Variants in PLCB4 observed in about 807,000 individuals in gnomAD.
PLCB4 encodes the protein 1-phosphatidylinositol 4,5-bisphosphate phosphodiesterase beta-4.
A neutral mutation model predicts 178.8 loss-of-function variants in PLCB4; 77 were observed. The ratio of observed to expected loss-of-function variants is 0.43; its 90% CI spans 0.36 to 0.52. PLCB4 has a LOEUF of 0.52. PLCB4 is among the 20% of genes least tolerant of loss of function. The probability of loss-of-function intolerance (pLI) is 0.00; values close to 1 mark genes in which losing one functional copy is unlikely to be tolerated. For missense variants in PLCB4, 1,024 were observed against 1,453.4 expected (o/e 0.70, Z 4.80); for synonymous variants, 496 against 490.8 (o/e 1.01, Z -0.14).
At chr20:9,248,261 A>T (rs1178636118) in intron 3 of PLCB4, among the ~76,000 whole-genome samples, 1 of 152,178 alleles carries the variant, frequency 6.6e-6, no homozygotes, top group Non-Finnish European at 1.5e-5. Flanking sequence ...ACTCATGTAC[A>T]ATGATGTTCA....
Position 9,177,622 on chromosome 20 carries a change from G to A in PLCB4, c.-78-39768G>A, listed in dbSNP as rs912762612. Among the ~76,000 whole-genome samples, 7 of 152,206 alleles carry A rather than the reference G, an allele frequency of 4.6e-5. No homozygotes were observed. In the South Asian group the frequency reaches 8.3e-4, roughly 18 times the overall value. On this transcript the variant is annotated intron_variant, in intron 2 of 39. Coordinates refer to ENST00000378473, the MANE Select transcript of PLCB4 (RefSeq NM_001377142.1). ...AAAAGGGGTGTAGATGGATAAGGGT[G>A]GGAAATGGAAAGTGAGCTTGCATCA...
chr20:9,318,771 T>C (rs543598985), intron 4 of PLCB4, among the ~76,000 whole-genome samples: 1 of 152,344 alleles, frequency 6.6e-6, no homozygotes, highest in Admixed American at 6.5e-5. Context: ...CAAAGGCAGT[T>C]TCATAAGGAA....
At chr20:9,401,456 G>T in intron 19 of PLCB4, 34 bp from the exon 20 acceptor site, 1 of 1,409,430 alleles carries the variant, frequency 7.1e-7, no homozygotes, top group East Asian at 2.3e-5. Context: ...GCAGTGGTTT[G>T]GTGTCATGGA....
chr20:9,157,020 T>G (rs2146961594), intron 2 of PLCB4, among the ~76,000 whole-genome samples: 2 of 151,980 alleles, frequency 1.3e-5, no homozygotes, highest in African/African-American at 4.8e-5. Flanking sequence ...CTAGTCCATG[T>G]CACTGCACAA....
chr20:9,310,368 T>A (rs571354389), intron 4 of PLCB4, among the ~76,000 whole-genome samples: 8 of 152,262 alleles, frequency 5.3e-5, no homozygotes, highest in Admixed American at 5.2e-4. Context: ...AACGTTATCA[T>A]CATGAACTCA....
intron 3 of PLCB4, among the ~76,000 whole-genome samples, chr20:9,297,233 T>C (rs2094648566): frequency 6.6e-6 from 1 of 152,048 alleles, no homozygotes; most frequent in Non-Finnish European, 1.5e-5. Flanking sequence ...AATTTCTTTC[T>C]AGCGGTCACT....
intron 28 of PLCB4, among the ~76,000 whole-genome samples, chr20:9,424,805 G>T (rs2040883421): frequency 6.6e-6 from 1 of 152,142 alleles, no homozygotes; most frequent in Non-Finnish European, 1.5e-5. Context: ...GGTGGGCGGG[G>T]TGTCTGTAGA....
At chr20:9,365,069 A>G (rs964989725) in intron 8 of PLCB4, among the ~76,000 whole-genome samples, 7 of 152,198 alleles carry the variant, frequency 4.6e-5, no homozygotes, top group African/African-American at 1.2e-4. Flanking sequence ...CCAATCACAA[A>G]TAAGTACCAA....
At chr20:9,250,681 C>T (rs2094171398) in intron 3 of PLCB4, among the ~76,000 whole-genome samples, 1 of 152,214 alleles carries the variant, frequency 6.6e-6, no homozygotes, top group South Asian at 2.1e-4. Flanking sequence ...GCATGCCCAT[C>T]ATCACATATC....
chr20:9,457,453 C>A lies in PLCB4; in HGVS notation c.3036C>A (p.Ile1012=), dbSNP rs772406888. 8.0e-5 allele frequency: 126 copies of A among 1,571,318 alleles called. No individual in the cohort carries two copies. Among genetic ancestry groups the A allele is most frequent in the Non-Finnish European group, 1.0e-4 (119 of 1,141,118 alleles). Residue 1012 remains isoleucine, a synonymous_variant, in exon 34 of 40, where the codon ATC becomes ATA. Coordinates refer to ENST00000378473, the MANE Select transcript of PLCB4 (RefSeq NM_001377142.1). ...NCLEMKKETE[I]KIQTLTSDHK... is the part of the protein sequence containing the mutation. ...TCGAAATGAAAAAAGAAACAGAAAT[C>A]AAAATTCAGACGCTGACATCAGATC...
At position 9,436,989 on chromosome 20, in the gene PLCB4, G is replaced by A; in HGVS notation, c.2614-13G>A. 1 of 1,613,378 alleles carries A rather than the reference G, an allele frequency of 6.2e-7. No homozygotes were observed. The highest frequency in any genetic ancestry group is 2.2e-5 in the East Asian group (1 of 44,852). On this transcript the variant is annotated splice_polypyrimidine_tract_variant and intron_variant, in intron 29 of 39. Coordinates refer to ENST00000378473, the MANE Select transcript of PLCB4 (RefSeq NM_001377142.1). ...GACATTCATTTGGGTCAATGTAAAT[G>A]TTTCTGTTCCAGAGTGACATAGCCG...
At chr20:9,388,444 C>T (rs113611898) in intron 15 of PLCB4, among the ~76,000 whole-genome samples, 43 of 152,250 alleles carry the variant, frequency 2.8e-4, no homozygotes, top group African/African-American at 9.6e-4. Context: ...TGCTGCTGGG[C>T]GTGGTGGCTC....
intron 2 of PLCB4, among the ~76,000 whole-genome samples, chr20:9,110,759 C>T (rs1218503897): frequency 1.3e-5 from 2 of 152,104 alleles, no homozygotes; most frequent in East Asian, 1.9e-4. Context: ...GTCCTCTTCA[C>T]CAATGAATAG....
At chr20:9,448,627 T>A (rs2042560563) in intron 32 of PLCB4, among the ~76,000 whole-genome samples, 1 of 151,578 alleles carries the variant, frequency 6.6e-6, no homozygotes, top group Non-Finnish European at 1.5e-5. Flanking sequence ...AGACTTTTTT[T>A]TTTTTTTTCT....
intron 7 of PLCB4, 95 bp downstream of exon 7, chr20:9,339,132 G>A (rs969129929): frequency 3.1e-5 from 29 of 925,274 alleles, no homozygotes; most frequent in Non-Finnish European, 4.4e-5. Flanking sequence ...TACTTAAATT[G>A]TATGGTAATT....
Position 9,126,546 on chromosome 20 carries a change from T to C in PLCB4, c.-79+30204T>C, listed in dbSNP as rs192659430. On this transcript the variant is annotated intron_variant, in intron 2 of 39. Transcript: ENST00000378473. ...ATGTTACCATGATAACATATTACTT[T>C]GGTAGTGAATTTTGTGTTTTGTTTC... 6.3e-4 allele frequency among the ~76,000 whole-genome samples: 96 copies of C among 152,328 alleles called. 1 individual carries two copies. The highest frequency in any genetic ancestry group is 7.2e-4 in the Non-Finnish European group (49 of 68,028).
intron 15 of PLCB4, among the ~76,000 whole-genome samples, chr20:9,388,277 A>G (rs2037846693): frequency 6.6e-6 from 1 of 152,232 alleles, no homozygotes; most frequent in Non-Finnish European, 1.5e-5. Context: ...ATGAGGTTAG[A>G]CAAATCAAAA....
At chr20:9,374,107 ATCT>A (rs577545144) in intron 12 of PLCB4, among the ~76,000 whole-genome samples, 294 of 152,354 alleles carry the variant, frequency 1.9e-3, no homozygotes, top group Middle Eastern at 3.4e-3. Flanking sequence ...GACAAATTAC[ATCT>A]TCTTTTCTTC....
chr20:9,464,783 A>G (rs556313634), intron 35 of PLCB4, among the ~76,000 whole-genome samples: 72 of 152,162 alleles, frequency 4.7e-4, no homozygotes, highest in Non-Finnish European at 9.6e-4. Context: ...AGTTGAGGCA[A>G]TAATTAATAG....
Sources: allele counts gnomAD v4.1 joint callset (sites outside exome capture counted in the v4.1 genomes callset), GRCh38; gene constraint gnomAD v4.1.1; transcripts MANE v1.5; gene names NCBI Gene and HGNC (gene_info 2026-07-23, HGNC 2026-07-21).